The following CHN2 variants were observed in gnomAD, a reference collection of about 807,000 sequenced individuals.
CHN2 encodes the protein beta-chimaerin.
Under a neutral mutation model 56.3 loss-of-function variants are expected in CHN2, and 35 were observed. The ratio of observed to expected loss-of-function variants is 0.62; its 90% CI spans 0.47 to 0.82. The LOEUF (loss-of-function observed/expected upper bound fraction) is 0.82, where lower values mean the gene tolerates loss of function less well. Among genes scored for constraint, CHN2 ranks in the 40% least tolerant of loss-of-function variants. The probability of loss-of-function intolerance (pLI) is 0.00; values close to 1 mark genes in which losing one functional copy is unlikely to be tolerated. For synonymous variants in CHN2, 210 were observed against 212.8 expected (o/e 0.99, Z 0.12); for missense variants, 491 against 580.5 (o/e 0.85, Z 1.58).
At chr7:29,274,137 AT>A (rs1790984237) in intron 1 of CHN2, among the ~76,000 whole-genome samples, 1 of 152,228 alleles carries the variant, frequency 6.6e-6, no homozygotes, top group African/African-American at 2.4e-5. Flanking sequence ...GCTTACGAAC[AT>A]TCGGGAAAGC....
At chr7:29,152,164 A>C (rs1474244010) in intron 2 of CHN2, among the ~76,000 whole-genome samples, 2 of 152,186 alleles carry the variant, frequency 1.3e-5, no homozygotes, top group African/African-American at 4.8e-5. Context: ...CACATCACCA[A>C]ATAAAGGAAT....
intron 1 of CHN2, among the ~76,000 whole-genome samples, chr7:29,299,217 TC>T (rs1254920169): frequency 6.6e-6 from 1 of 152,160 alleles, no homozygotes; most frequent in African/African-American, 2.4e-5. Flanking sequence ...GGTCGGAGTT[TC>T]TCCGGGGACC....
intron 3 of CHN2, among the ~76,000 whole-genome samples, chr7:29,372,919 T>C (rs906709096): frequency 6.6e-6 from 1 of 152,238 alleles, no homozygotes; most frequent in African/African-American, 2.4e-5. Flanking sequence ...TTTGGTGTCA[T>C]TTGTCTTTTT....
chr7:29,351,823 A>T (rs1797907743), intron 1 of CHN2, among the ~76,000 whole-genome samples: 1 of 152,212 alleles, frequency 6.6e-6, no homozygotes, highest in Admixed American at 6.5e-5. Context: ...CCACAGTAGG[A>T]TGCTTGGAAT....
intron 1 of CHN2, among the ~76,000 whole-genome samples, chr7:29,310,315 A>C (rs1488814125): frequency 6.6e-6 from 1 of 152,242 alleles, no homozygotes; most frequent in Non-Finnish European, 1.5e-5. Context: ...ATGTAGAAGA[A>C]TATTGAATGA....
At chr7:29,361,036 G>C (rs1798692894) in intron 2 of CHN2, among the ~76,000 whole-genome samples, 1 of 152,188 alleles carries the variant, frequency 6.6e-6, no homozygotes. Flanking sequence ...GAATTCTCTG[G>C]TGTGCGGCAG....
intron 6 of CHN2, among the ~76,000 whole-genome samples, chr7:29,448,419 C>G (rs1402056914): frequency 6.6e-6 from 1 of 152,148 alleles, no homozygotes; most frequent in Non-Finnish European, 1.5e-5. Context: ...CACACAGCAG[C>G]TTTCTCCTAA....
intron 2 of CHN2, among the ~76,000 whole-genome samples, chr7:29,184,977 G>A (rs1430908850): frequency 6.6e-6 from 1 of 152,170 alleles, no homozygotes; most frequent in Non-Finnish European, 1.5e-5. Flanking sequence ...TGCCACCATT[G>A]AGAGTAGATG....
rs369015912 is a variant in CHN2 at position 29,500,504 on chromosome 7, T to C, written c.913+464T>C. Among the ~76,000 whole-genome samples, 5 of 152,146 alleles carry C rather than the reference T, an allele frequency of 3.3e-5. No individual in the cohort carries two copies. The South Asian group carries it at 8.3e-4, about 25-fold the overall frequency. ...TTAGCCAGGTGTGGTGGTGCACACC[T>C]GTAGTTCCAGCTACTCGAGAGGCTG... is the stretch of plus-strand genomic sequence containing the variant. On this transcript the variant is annotated intron_variant, in intron 9 of 12. Coordinates refer to ENST00000222792, the MANE Select transcript of CHN2 (RefSeq NM_004067.4).
At chr7:29,211,450 GCACACA>G (rs148200755) in intron 1 of CHN2, among the ~76,000 whole-genome samples, 4,972 of 138,394 alleles carry the variant, frequency 0.036, 227 homozygotes, top group African/African-American at 0.11. Context: ...CTGCATGTTG[GCACACA>G]CACACACACA....
At chr7:29,512,071 C>T (rs1052244918) in intron 12 of CHN2, among the ~76,000 whole-genome samples, 3 of 152,094 alleles carry the variant, frequency 2.0e-5, no homozygotes, top group Non-Finnish European at 2.9e-5. Context: ...TCATGACAGC[C>T]CATTCTACAC....
intron 3 of CHN2, among the ~76,000 whole-genome samples, chr7:29,384,671 T>C (rs80224477): frequency 0.043 from 6,556 of 152,242 alleles, 478 homozygotes; most frequent in African/African-American, 0.15. Context: ...AAAATATAAA[T>C]ATAAATAATT....
At chr7:29,199,425 T>C (rs755087412) in intron 1 of CHN2, 2 of 152,248 alleles carry the variant, frequency 1.3e-5, no homozygotes, top group Non-Finnish European at 2.9e-5. Flanking sequence ...GTCTAAAAAA[T>C]TGCTTTGCGT....
chr7:29,436,128 C>T (rs764393792), intron 6 of CHN2, among the ~76,000 whole-genome samples: 3 of 152,050 alleles, frequency 2.0e-5, no homozygotes, highest in Non-Finnish European at 4.4e-5. Flanking sequence ...TAGAGAGGCA[C>T]ACCCAAACCT....
At chr7:29,352,950 C>T (rs1421796020) in intron 1 of CHN2, among the ~76,000 whole-genome samples, 2 of 152,104 alleles carry the variant, frequency 1.3e-5, no homozygotes, top group Non-Finnish European at 2.9e-5. Context: ...TGGGTTAAAG[C>T]CTTGCTATTA....
chr7:29,317,643 C>A (rs1795052193), intron 1 of CHN2, among the ~76,000 whole-genome samples: 1 of 152,096 alleles, frequency 6.6e-6, no homozygotes, highest in African/African-American at 2.4e-5. Flanking sequence ...CTTTCGTATG[C>A]CAGACATTAA....
chr7:29,459,467 G>A (rs144839055), intron 6 of CHN2, among the ~76,000 whole-genome samples: 2 of 152,216 alleles, frequency 1.3e-5, no homozygotes, highest in African/African-American at 2.4e-5. Context: ...GAGACTTTCC[G>A]AGCTCGCCTC....
At chr7:29,212,998 C>G (rs1785070565) in intron 1 of CHN2, 1 of 1,608,778 alleles carries the variant, frequency 6.2e-7, no homozygotes. Flanking sequence ...CTGGAACAAT[C>G]AGGCCTGGAA....
chr7:29,212,491 C>T (rs760279385), intron 1 of CHN2: 56 of 1,581,840 alleles, frequency 3.5e-5, no homozygotes, highest in Admixed American at 8.3e-5. Context: ...TTATTCAGGA[C>T]AGCCCTGATT....
Sources: gnomAD v4.1 joint callset for allele counts (sites outside exome capture counted in the v4.1 genomes callset) on GRCh38, gnomAD v4.1.1 for gene constraint, MANE v1.5 for transcripts, NCBI Gene and HGNC (gene_info 2026-07-23, HGNC 2026-07-21) for gene names.